MRPS27: variants seen among roughly 807,000 people sequenced by gnomAD.
MRPS27 encodes small ribosomal subunit protein mS27.
Under a neutral mutation model 48.9 loss-of-function variants are expected in MRPS27, and 43 were observed. That is an observed-to-expected ratio of 0.88 (90% CI 0.69 to 1.13). The LOEUF is 1.13. Among genes scored for constraint, MRPS27 ranks in the 50% most tolerant of loss-of-function variants. The pLI, the probability that MRPS27 is intolerant of heterozygous loss-of-function variation, is 0.00. For synonymous variants in MRPS27, 188 were observed against 171.9 expected (o/e 1.09, Z -0.73); for missense variants, 467 against 476.3 (o/e 0.98, Z 0.18).
At chr5:72,293,658 C>T (rs756383709) in intron 4 of MRPS27, among the ~76,000 whole-genome samples, 22 of 152,282 alleles carry the variant, frequency 1.4e-4, no homozygotes, top group African/African-American at 2.9e-4. Context: ...AAAGGGCCTG[C>T]GCACATAATA....
At chr5:72,246,357 G>C (rs947835247) in intron 4 of MRPS27, among the ~76,000 whole-genome samples, 2 of 152,192 alleles carry the variant, frequency 1.3e-5, no homozygotes, top group African/African-American at 4.8e-5. Context: ...ATTGTGGAAA[G>C]CCACCTAGTC....
At chr5:72,304,726 G>A (rs1750214753) in intron 2 of MRPS27, among the ~76,000 whole-genome samples, 1 of 152,136 alleles carries the variant, frequency 6.6e-6, no homozygotes, top group Non-Finnish European at 1.5e-5. Flanking sequence ...TGTGGTCTCT[G>A]GGGCAAAGTT....
intron 4 of MRPS27, among the ~76,000 whole-genome samples, chr5:72,288,441 G>A (rs1430369841): frequency 4.6e-5 from 7 of 152,182 alleles, no homozygotes; most frequent in Non-Finnish European, 1.5e-5. Flanking sequence ...TCGATCTCCT[G>A]ACCTCGTGAT....
intron 4 of MRPS27, among the ~76,000 whole-genome samples, chr5:72,246,311 T>C (rs888007588): frequency 3.9e-5 from 6 of 152,204 alleles, no homozygotes; most frequent in Admixed American, 6.5e-5. Context: ...CAGGAGGAGA[T>C]GAAAGATGGC....
intron 6 of MRPS27, 52 bp downstream of exon 6, chr5:72,234,067 C>T (rs1748133304): frequency 1.4e-6 from 2 of 1,427,808 alleles, no homozygotes; most frequent in Non-Finnish European, 9.2e-7. Flanking sequence ...TGTACACCTC[C>T]CTTTGGGAGC....
intron 4 of MRPS27, among the ~76,000 whole-genome samples, chr5:72,257,443 T>G (rs189034061): frequency 1.3e-5 from 2 of 152,202 alleles, no homozygotes; most frequent in Non-Finnish European, 2.9e-5. Flanking sequence ...GGGCTGCTAG[T>G]GAAAAATTGA....
intron 1 of MRPS27, among the ~76,000 whole-genome samples, chr5:72,318,921 C>T (rs1750648596): frequency 6.6e-6 from 1 of 152,138 alleles, no homozygotes; most frequent in South Asian, 2.1e-4. Context: ...ACTAAGGTGT[C>T]AAGCGTTGTG....
intron 4 of MRPS27, among the ~76,000 whole-genome samples, chr5:72,257,307 A>T (rs1748835598): frequency 6.6e-6 from 1 of 152,220 alleles, no homozygotes; most frequent in Non-Finnish European, 1.5e-5. Flanking sequence ...CAGACTAAAA[A>T]TCAATAATAT....
chr5:72,253,325 G>C (rs1456140608), intron 4 of MRPS27, among the ~76,000 whole-genome samples: 2 of 152,148 alleles, frequency 1.3e-5, no homozygotes, highest in African/African-American at 4.8e-5. Flanking sequence ...AAGCACATAT[G>C]ATCAATCTAT....
rs6878795 is a variant in MRPS27, at chr5:72,243,038, C to T, written c.282-4910G>A. Among the ~76,000 whole-genome samples, 984 of 152,306 alleles carry T rather than the reference C, an allele frequency of 6.5e-3. 10 individuals are homozygous for T. Among genetic ancestry groups the T allele is most frequent in the African/African-American group, 0.022 (915 of 41,566 alleles). On this transcript the variant is annotated intron_variant, in intron 4 of 10. Coordinates refer to ENST00000261413, the MANE Select transcript of MRPS27 (RefSeq NM_015084.3). ...AAACACACACATGCAGCTTTCCCTC[C>T]GCCCCAGTGAATTCTGTATCCTGTG...
intron 4 of MRPS27, among the ~76,000 whole-genome samples, chr5:72,260,125 T>A (rs1250153232): frequency 6.6e-6 from 1 of 152,232 alleles, no homozygotes; most frequent in Non-Finnish European, 1.5e-5. Context: ...TTTCATATCA[T>A]TTTTCTCAGA....
chr5:72,295,228 T>C (rs1366216632), intron 4 of MRPS27: 1 of 201,240 alleles, frequency 5.0e-6, no homozygotes, highest in Non-Finnish European at 9.9e-6. Flanking sequence ...TAAATATATA[T>C]ACTCATGAAA....
intron 4 of MRPS27, among the ~76,000 whole-genome samples, chr5:72,243,134 T>C (rs1004517803): frequency 6.6e-6 from 1 of 151,772 alleles, no homozygotes; most frequent in African/African-American, 2.4e-5. Flanking sequence ...GGGGTCAGGG[T>C]AAAGGGAGGA....
chr5:72,268,988 C>T (rs1240915949), intron 4 of MRPS27, among the ~76,000 whole-genome samples: 2 of 152,122 alleles, frequency 1.3e-5, no homozygotes, highest in Non-Finnish European at 2.9e-5. Flanking sequence ...GTAAACTAGT[C>T]AGTTCTGGGG....
intron 4 of MRPS27, among the ~76,000 whole-genome samples, chr5:72,256,823 A>C (rs1748821754): frequency 6.6e-6 from 1 of 152,238 alleles, no homozygotes; most frequent in South Asian, 2.1e-4. Flanking sequence ...TCTCCAGAGT[A>C]AGAGGAAAAC....
rs779837516 is a variant in MRPS27 at position 72,221,023 on chromosome 5, C to A, written c.1131G>T (p.Gln377His). 3.1e-6 allele frequency: 5 copies of A among 1,614,220 alleles called. No individual in the cohort carries two copies. In the East Asian group the frequency reaches 1.1e-4, roughly 36 times the overall value. The change falls in exon 11 of 11, where the codon CAG becomes CAT. Residue 377 changes from glutamine to histidine, a missense_variant. Physicochemically the swap from Gln to His is conservative, Grantham distance 24 (BLOSUM62 0). Coordinates refer to ENST00000261413, the MANE Select transcript of MRPS27 (RefSeq NM_015084.3). ...CEAEDIATYEQNLQQWHLDLV... is the reference protein window; with the variant it reads ...CEAEDIATYEHNLQQWHLDLV... The stretch of plus-strand genomic sequence containing the variant: ...GGTCTAGATGCCACTGCTGCAGATT[C>A]TGCTCATAGGTGGCGATGTCCTCTG...
intron 4 of MRPS27, among the ~76,000 whole-genome samples, chr5:72,252,732 A>C (rs1748701178): frequency 6.6e-6 from 1 of 152,206 alleles, no homozygotes; most frequent in Non-Finnish European, 1.5e-5. Context: ...CATAGCAGGA[A>C]ATTCATATTA....
At chr5:72,255,372 C>T (rs1042079147) in intron 4 of MRPS27, among the ~76,000 whole-genome samples, 6 of 152,150 alleles carry the variant, frequency 3.9e-5, no homozygotes, top group African/African-American at 1.4e-4. Context: ...TCTTGATATA[C>T]ATTCAATATA....
intron 4 of MRPS27, among the ~76,000 whole-genome samples, chr5:72,276,944 T>C (rs971926181): frequency 5.9e-5 from 9 of 151,946 alleles, no homozygotes; most frequent in African/African-American, 1.7e-4. Context: ...GGCAGGAGAA[T>C]TGCTTGAACC....
Sources: gnomAD v4.1 joint callset for allele counts (sites outside exome capture counted in the v4.1 genomes callset) on GRCh38, gnomAD v4.1.1 for gene constraint, MANE v1.5 for transcripts, NCBI Gene and HGNC (gene_info 2026-07-23, HGNC 2026-07-21) for gene names.